The following TXNRD1 variants were observed in gnomAD, a reference collection of about 807,000 sequenced individuals.
TXNRD1 encodes thioredoxin reductase 1, cytoplasmic.
TXNRD1 carries 57 observed loss-of-function variants against 80.3 expected under a neutral mutation model. The observed-to-expected ratio is 0.71, with a 90% CI of 0.57 to 0.89. The LOEUF is 0.89. Among genes scored for constraint, TXNRD1 ranks in the 40% least tolerant of loss-of-function variants. TXNRD1 has a pLI of 0.00. For synonymous variants in TXNRD1, 291 were observed against 285.2 expected (o/e 1.02, Z -0.20); for missense variants, 730 against 803.0 (o/e 0.91, Z 1.10).
chr12:104,254,644 A>AAAAAAAAAAAAAATAT, intron 2 of TXNRD1, among the ~76,000 whole-genome samples: 28 of 93,578 alleles, frequency 3.0e-4, no homozygotes, highest in Non-Finnish European at 4.4e-4. Flanking sequence ...AAAAAAAAAA[A>AAAAAAAAAAAAAATAT]ATATATATAT....
At chr12:104,338,931 T>G (rs2036233012) in intron 15 of TXNRD1, among the ~76,000 whole-genome samples, 1 of 152,024 alleles carries the variant, frequency 6.6e-6, no homozygotes, top group African/African-American at 2.4e-5. Context: ...TTAACCAGGA[T>G]GGTCTCGACC....
chr12:104,254,185 C>T lies in TXNRD1; in HGVS notation c.243+2507C>T, dbSNP rs891275994. Among the ~76,000 whole-genome samples the T allele has an allele frequency of 3.9e-5, 6 of 152,068 alleles. No homozygotes were observed. In the East Asian group the frequency reaches 5.8e-4, roughly 15 times the overall value. On this transcript the variant is annotated intron_variant, in intron 2 of 16. Transcript: ENST00000525566. ...ATGTGGATGATAATAGTATCTATAT[C>T]GTAAGTTTGTTATGAGGATTAAATT... is the stretch of plus-strand genomic sequence containing the variant.
chr12:104,263,041 C>A (rs530850975), intron 3 of TXNRD1, among the ~76,000 whole-genome samples: 2 of 152,234 alleles, frequency 1.3e-5, no homozygotes, highest in East Asian at 3.9e-4. Flanking sequence ...TGAAAACAAC[C>A]ATCAGGGTCC....
intron 3 of TXNRD1, among the ~76,000 whole-genome samples, chr12:104,270,745 G>A (rs1038173609): frequency 6.6e-5 from 10 of 152,102 alleles, no homozygotes; most frequent in Admixed American, 2.6e-4. Context: ...TTTTTCCTCC[G>A]AGAAGGAGGA....
In TXNRD1 at chr12:104,278,258, T is replaced by C. The variant is rs561542326; in HGVS notation, c.305-10673T>C. ...CTCTGTCGCCCAGGCTGGAGTGCAG[T>C]GGCGTGATCTCGGCTCACTGCAAGC... is the stretch of plus-strand genomic sequence containing the variant. On this transcript the variant is annotated intron_variant, in intron 3 of 16. Coordinates refer to ENST00000525566, the MANE Select transcript of TXNRD1 (RefSeq NM_001093771.3). 4.0e-3 allele frequency among the ~76,000 whole-genome samples: 576 copies of C among 142,936 alleles called. 4 individuals carry two copies. The highest frequency in any genetic ancestry group is 0.014 in the African/African-American group (542 of 38,036). 93.8% of individuals were successfully genotyped at this position (142,936 alleles called of 152,430 possible). A position where few individuals can be genotyped will look rare whatever the true frequency, so the allele number is the denominator to read the frequency against.
At chr12:104,312,340 G>A (rs2035169243) in intron 5 of TXNRD1, among the ~76,000 whole-genome samples, 1 of 152,336 alleles carries the variant, frequency 6.6e-6, no homozygotes, top group South Asian at 2.1e-4. Flanking sequence ...AATTTCCCAT[G>A]TGAGGACCCC....
At chr12:104,321,467 A>C (rs535093702) in intron 10 of TXNRD1, among the ~76,000 whole-genome samples, 151 bp downstream of exon 10, 3 of 152,230 alleles carry the variant, frequency 2.0e-5, no homozygotes, top group South Asian at 4.1e-4. Context: ...ATAAACTTGT[A>C]CCTCCCTACC....
intron 16 of TXNRD1, among the ~76,000 whole-genome samples, chr12:104,341,596 T>C (rs1004494497): frequency 6.6e-6 from 1 of 151,998 alleles, no homozygotes. Context: ...TGACCCCAGA[T>C]TTGTGGGGGT....
intron 4 of TXNRD1, among the ~76,000 whole-genome samples, chr12:104,296,679 A>G (rs1473263048): frequency 6.6e-6 from 1 of 152,244 alleles, no homozygotes; most frequent in African/African-American, 2.4e-5. Context: ...TATTGAGTGA[A>G]TAGATCGTGG....
At chr12:104,254,229 C>G (rs77691429) in intron 2 of TXNRD1, among the ~76,000 whole-genome samples, 5,384 of 152,064 alleles carry the variant, frequency 0.035, 257 homozygotes, top group African/African-American at 0.11. Context: ...TTTATAAAAG[C>G]CATAGAACAT....
In TXNRD1 at chr12:104,327,499, CT is replaced by C; in HGVS notation, c.1386-15del. 2 of 1,597,126 alleles carry C rather than the reference CT, an allele frequency of 1.3e-6. No individual in the cohort carries two copies. The highest frequency in any genetic ancestry group is 8.6e-7 in the Non-Finnish European group (1 of 1,169,246). ...AATGGTAATTAATGATGATTTTTAA[CT>C]GAATAAAATTGCAGGACTGGAAAAA... On this transcript the variant is annotated splice_polypyrimidine_tract_variant and intron_variant, in intron 12 of 16. Coordinates refer to ENST00000525566, the MANE Select transcript of TXNRD1 (RefSeq NM_001093771.3).
chr12:104,235,949 A>G (rs2032729026), intron 1 of TXNRD1, among the ~76,000 whole-genome samples: 1 of 152,170 alleles, frequency 6.6e-6, no homozygotes, highest in African/African-American at 2.4e-5. Context: ...CAGTTTGTTA[A>G]TCTGGGTGGT....
chr12:104,233,465 T>G (rs1236159814), intron 1 of TXNRD1, among the ~76,000 whole-genome samples: 1 of 152,094 alleles, frequency 6.6e-6, no homozygotes, highest in African/African-American at 2.4e-5. Flanking sequence ...TTCCAAATTC[T>G]AGAGGAACCA....
In TXNRD1 at chr12:104,329,151, A is replaced by G. The variant is rs75299092; in HGVS notation, c.1542+1480A>G. 6.3e-3 allele frequency among the ~76,000 whole-genome samples: 963 copies of G among 152,306 alleles called. 9 individuals are homozygous for G. The highest frequency in any genetic ancestry group is 0.022 in the African/African-American group (912 of 41,566). ...GCCAGATTGACTGATTATTGAGGGA[A>G]TAGCAGTTGGTTCGTATTACTATTT... On this transcript the variant is annotated intron_variant, in intron 13 of 16. Transcript: ENST00000525566.
chr12:104,311,987 A>AATAT (rs1399169689), intron 5 of TXNRD1, among the ~76,000 whole-genome samples: 1 of 110,174 alleles, frequency 9.1e-6, no homozygotes, highest in Non-Finnish European at 2.1e-5. Context: ...GTCTTTAAAA[A>AATAT]ATATATATAT....
At chr12:104,287,441 C>T in intron 3 of TXNRD1, 2 of 1,613,088 alleles carry the variant, frequency 1.2e-6, no homozygotes, top group Non-Finnish European at 1.7e-6. Flanking sequence ...GGTATTGTAT[C>T]GTTTCTTACA....
chr12:104,246,525 GGT>G (rs1491155062), intron 1 of TXNRD1, among the ~76,000 whole-genome samples: 8 of 63,264 alleles, frequency 1.3e-4, no homozygotes, highest in African/African-American at 6.3e-4. Flanking sequence ...GCTTTGTGAT[GGT>G]TTTTTTTTTT....
rs544973058 is a variant in TXNRD1, at chr12:104,233,247, G to A, written c.91+17354G>A. Among the ~76,000 whole-genome samples the A allele has an allele frequency of 7.1e-4, 108 of 152,234 alleles. No homozygotes were observed. The South Asian group carries it at 0.011, about 15-fold the overall frequency. On this transcript the variant is annotated intron_variant, in intron 1 of 16. Transcript: ENST00000525566. ...CTAGCAAAAAGCAAGGAAGCTTGAC[G>A]GAAGTTAGTTTTTAAAAGAAACTAT... is the stretch of plus-strand genomic sequence containing the variant.
intron 3 of TXNRD1, among the ~76,000 whole-genome samples, chr12:104,266,546 T>C (rs1038867743): frequency 1.1e-4 from 11 of 96,898 alleles, no homozygotes; most frequent in Non-Finnish European, 2.5e-4. Context: ...AAAAAAAAAT[T>C]AGTTGGCTGG....
Sources: gnomAD v4.1 joint callset for allele counts (sites outside exome capture counted in the v4.1 genomes callset) on GRCh38, gnomAD v4.1.1 for gene constraint, MANE v1.5 for transcripts, NCBI Gene and HGNC (gene_info 2026-07-23, HGNC 2026-07-21) for gene names.